TRIM37: variants seen among roughly 807,000 people sequenced by gnomAD.
The protein encoded by TRIM37 is tripartite motif containing 37.
A neutral mutation model predicts 129.8 loss-of-function variants in TRIM37; 80 were observed. The observed-to-expected ratio is 0.62, with a 90% CI of 0.51 to 0.74. The LOEUF (loss-of-function observed/expected upper bound fraction) is 0.74. TRIM37 is among the 30% of genes least tolerant of loss of function. The pLI is 0.00. For synonymous variants in TRIM37, 389 were observed against 387.1 expected, an observed-to-expected ratio of 1.00 and a Z score of -0.06; for missense variants, 1,054 against 1,176.5, an observed-to-expected ratio of 0.90 and a Z score of 1.52.
At chr17:59,065,111 A>C (rs1270870793) in intron 9 of TRIM37, among the ~76,000 whole-genome samples, 1 of 152,194 alleles carries the variant, frequency 6.6e-6, no homozygotes, top group Non-Finnish European at 1.5e-5. Context: ...AAAAGAAAAA[A>C]AGGCAACACA....
At chr17:58,978,119 T>G (rs543148679), downstream of TRIM37, among the ~76,000 whole-genome samples, 1 of 152,304 alleles carries the variant, frequency 6.6e-6, no homozygotes, top group South Asian at 2.1e-4. Context: ...TTATCTTCAT[T>G]TTAATATTCC....
At chr17:59,087,347 G>A (rs998013884) in intron 4 of TRIM37, among the ~76,000 whole-genome samples, 41 of 151,940 alleles carry the variant, frequency 2.7e-4, no homozygotes, top group Admixed American at 2.2e-3. Flanking sequence ...CACCCACCTC[G>A]GCTTCCCAAA....
intron 9 of TRIM37, among the ~76,000 whole-genome samples, chr17:59,065,895 T>C (rs532284002): frequency 3.3e-5 from 5 of 152,222 alleles, no homozygotes; most frequent in Non-Finnish European, 7.3e-5. Context: ...AGGTCACGTC[T>C]TTTACACAGT....
At chr17:59,036,434 T>C (rs1432447880) in intron 17 of TRIM37, among the ~76,000 whole-genome samples, 1 of 149,434 alleles carries the variant, frequency 6.7e-6, no homozygotes, top group Non-Finnish European at 1.5e-5. Flanking sequence ...AAATCTAGTT[T>C]GTATTTGCTG....
chr17:59,089,371 A>G (rs946334850), intron 3 of TRIM37, among the ~76,000 whole-genome samples: 3 of 152,210 alleles, frequency 2.0e-5, no homozygotes, highest in Admixed American at 1.3e-4. Context: ...GGCCAGGTGC[A>G]GTGGCTCACA....
rs777049306 is a variant in TRIM37 at position 59,064,398 on chromosome 17, C to A, written c.817G>T (p.Val273Leu). ...PVPPDFTSEL[V>L]PSYDSATFVL... ...AAAGTAGCTGAATCGTAAGATGGCA[C>A]TAATTCACTAAAAAAAAAAAGGCAA... Residue 273 changes from valine (V) to leucine (L), a missense_variant, in exon 10 of 24, where the codon GTG (valine) becomes TTG (leucine). Around this residue, in one of 3 missense-constraint regions of TRIM37, gnomAD observed 752 missense variants for 870.8 expected, o/e 0.86. Transcript: ENST00000262294. The A allele has an allele frequency of 1.3e-6, 2 of 1,576,916 alleles. No individual in the cohort carries two copies. The highest frequency in any genetic ancestry group is 1.2e-5 in the South Asian group (1 of 85,200).
intron 22 of TRIM37, 113 bp downstream of exon 22, chr17:59,012,215 C>G (rs774978638): frequency 2.4e-4 from 139 of 567,536 alleles, no homozygotes; most frequent in South Asian, 9.3e-4. Flanking sequence ...ATCACTACCA[C>G]CAGCAGCAGC....
chr17:59,013,899 C>G (rs1210110264), intron 21 of TRIM37, among the ~76,000 whole-genome samples: 2 of 151,868 alleles, frequency 1.3e-5, no homozygotes, highest in Middle Eastern at 3.4e-3. Context: ...ATGAGCTGGA[C>G]AGCACCTACA....
intron 16 of TRIM37, among the ~76,000 whole-genome samples, chr17:59,045,158 C>T (rs2039645377): frequency 6.6e-6 from 1 of 152,048 alleles, no homozygotes; most frequent in Admixed American, 6.6e-5. Context: ...AACCCCATCT[C>T]TATTAAAAAT....
intron 3 of TRIM37, among the ~76,000 whole-genome samples, chr17:59,091,088 G>A (rs1395471999): frequency 6.6e-6 from 1 of 152,000 alleles, no homozygotes; most frequent in Non-Finnish European, 1.5e-5. Flanking sequence ...ATGATTTTCT[G>A]AGAGGCAGAG....
chr17:58,972,947 T>G, the TRIM37 span: 411 of 1,567,196 alleles, frequency 2.6e-4, 4 homozygotes, highest in South Asian at 4.4e-3. Context: ...AAATTTTTGT[T>G]TCTCCAAACT....
At chr17:59,009,136 C>CT (rs930416497) in intron 22 of TRIM37, among the ~76,000 whole-genome samples, 3 of 151,614 alleles carry the variant, frequency 2.0e-5, no homozygotes, top group Non-Finnish European at 4.4e-5. Context: ...TTCTTTTCTT[C>CT]TTTTTTTTGA....
chr17:58,970,445 A>G, the TRIM37 span, among the ~76,000 whole-genome samples: 34 of 152,206 alleles, frequency 2.2e-4, no homozygotes, highest in Non-Finnish European at 5.9e-5. Context: ...AAGAATTTTT[A>G]ATTTTTAAAA....
intron 9 of TRIM37, among the ~76,000 whole-genome samples, chr17:59,067,228 T>G (rs946473737): frequency 1.8e-4 from 28 of 152,208 alleles, no homozygotes; most frequent in African/African-American, 6.8e-4. Context: ...TCTTCAATCA[T>G]ACTGATGTTA....
chr17:59,034,158 CT>C (rs1401008115), intron 17 of TRIM37, among the ~76,000 whole-genome samples: 3 of 151,430 alleles, frequency 2.0e-5, no homozygotes, highest in African/African-American at 7.3e-5. Context: ...TCCCAAAAAG[CT>C]ACTCAGATCG....
At chr17:59,012,771 GGAGGCTGAGGCAGAGAAT>G (rs2035455942) in intron 21 of TRIM37, among the ~76,000 whole-genome samples, 1 of 151,986 alleles carries the variant, frequency 6.6e-6, no homozygotes, top group South Asian at 2.1e-4. Flanking sequence ...CAGCTACTCG[GGAGGCTGAGGCAGAGAAT>G]TTCTTGAACC....
In TRIM37 at chr17:59,001,697, C is replaced by T. The variant is rs1598811787; in HGVS notation, c.2713G>A (p.Asp905Asn). 6.2e-7 allele frequency: 1 copy of T among 1,614,028 alleles called. No homozygotes were observed. The highest frequency in any genetic ancestry group is 1.1e-5 in the South Asian group (1 of 91,072). The change falls in exon 23 of 24, where the codon GAC (aspartate) becomes AAC (asparagine). Residue 905 changes from aspartate to asparagine, a missense_variant. This residue lies in a region of TRIM37 where 287 missense variants were observed against 274.3 expected (regional missense o/e 1.05). Transcript: ENST00000262294. ...TCATTCTCAGTGTCACATTCAATGTCACTGTCGCTACTCATTCCTGGCAGG... is the reference window on the plus strand; with the variant it reads ...TCATTCTCAGTGTCACATTCAATGTTACTGTCGCTACTCATTCCTGGCAGG... ...APEEGMSSDS[D>N]IECDTENEEQ...
At chr17:58,980,354 C>G, downstream of TRIM37, 1 of 1,614,146 alleles carries the variant, frequency 6.2e-7, no homozygotes, top group African/African-American at 1.3e-5. The surrounding 1 kb of genome is among the most constrained non-coding windows in gnomAD (Gnocchi z 4.7). Flanking sequence ...CCCTTGGCCT[C>G]AGCACCAGTG....
At chr17:59,015,863 C>A in intron 20 of TRIM37, 64 bp from the exon 21 acceptor site, 12 of 1,529,460 alleles carry the variant, frequency 7.8e-6, no homozygotes, top group East Asian at 2.3e-5. Context: ...CCTGTAATCC[C>A]AGCTACTTGG....
Sources: allele counts gnomAD v4.1 joint callset (sites outside exome capture counted in the v4.1 genomes callset), GRCh38; gene constraint gnomAD v4.1.1; regional missense constraint gnomAD v4.1.1; non-coding constraint Gnocchi (gnomAD v3.1); transcripts MANE v1.5; gene names NCBI Gene and HGNC (gene_info 2026-07-23, HGNC 2026-07-21).